DGKG: variants seen among roughly 807,000 people sequenced by gnomAD.
The protein encoded by DGKG is diacylglycerol kinase gamma.
DGKG carries 78 observed loss-of-function variants against 105.3 expected under a neutral mutation model. The observed-to-expected ratio is 0.74, with a 90% CI of 0.62 to 0.89. DGKG has a LOEUF of 0.89. Ranked by LOEUF, DGKG falls within the 40% of genes least tolerant of loss-of-function variation. The pLI is 0.00. For synonymous variants in DGKG, 346 were observed against 367.1 expected (o/e 0.94, Z 0.66); for missense variants, 958 against 1,020.1 (o/e 0.94, Z 0.83).
At chr3:186,315,844 A>AGGC (rs1724793007) in intron 2 of DGKG, among the ~76,000 whole-genome samples, 1 of 152,054 alleles carries the variant, frequency 6.6e-6, no homozygotes, top group Non-Finnish European at 1.5e-5. Context: ...CCTCTACTTC[A>AGGC]CTGAATGTGA....
In DGKG at chr3:186,183,439, T is replaced by C. The variant is rs188641373; in HGVS notation, c.2095+4763A>G. Among the ~76,000 whole-genome samples, 433 of 152,274 alleles carry C rather than the reference T, an allele frequency of 2.8e-3. 2 individuals are homozygous for C. Among genetic ancestry groups the C allele is most frequent in the African/African-American group, 9.7e-3 (405 of 41,560 alleles). On this transcript the variant is annotated intron_variant, in intron 22 of 24. Transcript: ENST00000265022. Reference sequence around the variant, plus strand: ...AAGAGACTGTTTCTCACTATTCTTATTGTTGTTACAAAAACTAAAAAATAG... The same window carrying C: ...AAGAGACTGTTTCTCACTATTCTTACTGTTGTTACAAAAACTAAAAAATAG...
intron 1 of DGKG, among the ~76,000 whole-genome samples, chr3:186,326,397 T>TCAAAAAAAAAAAAAAAAAAAAAAAAAAA (rs1560156258): frequency 1.3e-5 from 2 of 149,612 alleles, no homozygotes; most frequent in African/African-American, 5.1e-5. Flanking sequence ...AGACACTGTC[T>TCAAAAAAAAAAAAAAAAAAAAAAAAAAA]TAAAAAAAAA....
At chr3:186,352,551 A>G (rs1269229529) in intron 1 of DGKG, among the ~76,000 whole-genome samples, 1 of 151,992 alleles carries the variant, frequency 6.6e-6, no homozygotes, top group Non-Finnish European at 1.5e-5. Context: ...ACGTGCCCTG[A>G]ACTGAACTTG....
At chr3:186,177,455 T>C (rs1717138089) in intron 22 of DGKG, among the ~76,000 whole-genome samples, 1 of 152,268 alleles carries the variant, frequency 6.6e-6, no homozygotes, top group African/African-American at 2.4e-5. Context: ...CATTGCATGG[T>C]GCTGGGCAGC....
At chr3:186,311,542 G>T (rs1343125765) in intron 2 of DGKG, among the ~76,000 whole-genome samples, 1 of 152,092 alleles carries the variant, frequency 6.6e-6, no homozygotes, top group Non-Finnish European at 1.5e-5. Context: ...GGTTACCAGT[G>T]CCCTAAGAAG....
intron 21 of DGKG, among the ~76,000 whole-genome samples, chr3:186,211,517 C>T (rs992317366): frequency 2.6e-5 from 4 of 152,112 alleles, no homozygotes; most frequent in Admixed American, 1.3e-4. Flanking sequence ...AAGAGGGAAT[C>T]GCAAGGCCAC....
At chr3:186,165,616 A>G (rs1199780023) in intron 22 of DGKG, among the ~76,000 whole-genome samples, 1 of 152,232 alleles carries the variant, frequency 6.6e-6, no homozygotes, top group African/African-American at 2.4e-5. Flanking sequence ...CACCAACATC[A>G]GAGTCTGTGA....
At chr3:186,346,090 G>T (rs768845423) in intron 1 of DGKG, among the ~76,000 whole-genome samples, 2 of 152,282 alleles carry the variant, frequency 1.3e-5, no homozygotes, top group South Asian at 2.1e-4. Context: ...AAAACTTGAT[G>T]TACAAATTAT....
intron 2 of DGKG, among the ~76,000 whole-genome samples, chr3:186,316,074 C>G (rs980339549): frequency 2.0e-5 from 3 of 152,258 alleles, no homozygotes; most frequent in Admixed American, 1.3e-4. Flanking sequence ...CATGAAGGAA[C>G]ACTAAGGTCC....
At chr3:186,276,963 G>T (rs1345252681) in intron 9 of DGKG, among the ~76,000 whole-genome samples, 3 of 152,322 alleles carry the variant, frequency 2.0e-5, no homozygotes, top group East Asian at 1.9e-4. Context: ...CTCCAGAGGA[G>T]CTCACATTCT....
At chr3:186,175,479 G>T (rs1717029633) in intron 22 of DGKG, among the ~76,000 whole-genome samples, 1 of 152,210 alleles carries the variant, frequency 6.6e-6, no homozygotes, top group Non-Finnish European at 1.5e-5. Flanking sequence ...GACTTTGAAA[G>T]CTCTGTGCAT....
chr3:186,178,182 C>T (rs66463607), intron 22 of DGKG, among the ~76,000 whole-genome samples: 26,568 of 152,052 alleles, frequency 0.17, 3,213 homozygotes, highest in African/African-American at 0.34. Flanking sequence ...CTGTTGTTTA[C>T]GCCACACAGT....
chr3:186,208,051 C>CT (rs1157874598), intron 21 of DGKG, among the ~76,000 whole-genome samples: 3 of 150,636 alleles, frequency 2.0e-5, no homozygotes, highest in African/African-American at 7.3e-5. Context: ...TCTTTTTTTT[C>CT]TTTTTTTTGA....
At chr3:186,281,758 G>T (rs2108596226) in intron 7 of DGKG, among the ~76,000 whole-genome samples, 1 of 152,310 alleles carries the variant, frequency 6.6e-6, no homozygotes, top group African/African-American at 2.4e-5. Context: ...TGAATCTCTG[G>T]TTGGGTCCAA....
At chr3:186,268,734 C>T in intron 12 of DGKG, 67 bp downstream of exon 12, 2 of 1,166,642 alleles carry the variant, frequency 1.7e-6, no homozygotes, top group Non-Finnish European at 2.5e-6. Flanking sequence ...ATATTCACTG[C>T]TCCTGGGCTG....
At position 186,272,282 on chromosome 3, in the gene DGKG, C is replaced by T. The variant is rs147502826; in HGVS notation, c.972G>A (p.Thr324=). The T allele has an allele frequency of 3.3e-4, 527 of 1,613,808 alleles. No homozygotes were observed. The highest frequency in any genetic ancestry group is 2.3e-3 in the Admixed American group (139 of 60,014). The change falls in exon 11 of 25, where the codon ACG becomes ACA. Residue 324 remains threonine (T), a synonymous_variant. Transcript: ENST00000265022. ...CACCACTCCTTTTGGCTTTTGAGTA[C>T]GTTTTGACACAACCAGGAATGTTTC... is the stretch of plus-strand genomic sequence containing the variant. The part of the protein sequence containing the change: ...VSRNIPGCVK[T]YSKAKRSGEV...
Position 186,252,056 on chromosome 3 carries a change from A to G in DGKG, c.1601-137T>C. The G allele has an allele frequency of 4.0e-6, 3 of 756,882 alleles. No homozygotes were observed. In the South Asian group the frequency reaches 7.6e-5, roughly 19 times the overall value. 46.9% of individuals were successfully genotyped at this position (756,882 alleles called of 1,614,324 possible). On this transcript the variant is annotated intron_variant, in intron 18 of 24. Coordinates refer to ENST00000265022, the MANE Select transcript of DGKG (RefSeq NM_001346.3). ...CCCACTGTGTCTGTGGGCTAGAGAC[A>G]CTTACGTTCCCCGAGCCACAGAGAA...
chr3:186,252,695 C>T (rs2108564065), intron 18 of DGKG, among the ~76,000 whole-genome samples: 2 of 152,304 alleles, frequency 1.3e-5, no homozygotes, highest in East Asian at 1.9e-4. Flanking sequence ...TTCAGAAGAT[C>T]AGCCATTTGT....
chr3:186,163,069 G>A (rs966138339), intron 23 of DGKG, among the ~76,000 whole-genome samples: 2 of 152,108 alleles, frequency 1.3e-5, no homozygotes, highest in Admixed American at 6.6e-5. Flanking sequence ...ACAGTCACAT[G>A]ATTATAGCTC....
Sources: gnomAD v4.1 joint callset for allele counts (sites outside exome capture counted in the v4.1 genomes callset) on GRCh38, gnomAD v4.1.1 for gene constraint, MANE v1.5 for transcripts, NCBI Gene and HGNC (gene_info 2026-07-23, HGNC 2026-07-21) for gene names.